The following AHI1 variants were observed in gnomAD, a reference collection of about 807,000 sequenced individuals.
The protein encoded by AHI1 is Abelson helper integration site 1.
Under a neutral mutation model 149.3 loss-of-function variants are expected in AHI1, and 123 were observed. The ratio of observed to expected loss-of-function variants is 0.82; its 90% CI spans 0.71 to 0.96. The LOEUF (loss-of-function observed/expected upper bound fraction) is 0.96, where lower values mean the gene tolerates loss of function less well. Ranked by LOEUF, AHI1 falls within the 40% of genes least tolerant of loss-of-function variation. The pLI, the probability that AHI1 is intolerant of heterozygous loss-of-function variation, is 0.00. For missense variants in AHI1, 1,439 were observed against 1,422.7 expected (o/e 1.01, Z -0.18); for synonymous variants, 475 against 459.8 (o/e 1.03, Z -0.42).
rs1398690644 is a variant in AHI1 at position 135,363,660 on chromosome 6, G to A, written c.3110-5473C>T. Among the ~76,000 whole-genome samples, 29 of 149,390 alleles carry A rather than the reference G, an allele frequency of 1.9e-4. No homozygotes were observed. The East Asian group carries it at 3.6e-3, about 19-fold the overall frequency. ...GCGCCCCTCACCTCCCGGACGGGGC[G>A]GCTGGCCGGGCGGGGGGCTGACCCC... On this transcript the variant is annotated intron_variant, in intron 23 of 28. Coordinates refer to ENST00000265602, the MANE Select transcript of AHI1 (RefSeq NM_001134831.2).
intron 24 of AHI1, among the ~76,000 whole-genome samples, chr6:135,345,327 A>G (rs1231223493): frequency 6.6e-6 from 1 of 152,166 alleles, no homozygotes; most frequent in Non-Finnish European, 1.5e-5. Context: ...AAATATATAC[A>G]CCCAAGAGAA....
chr6:135,399,800 C>T (rs1350948931), intron 22 of AHI1, among the ~76,000 whole-genome samples: 1 of 151,368 alleles, frequency 6.6e-6, no homozygotes, highest in Admixed American at 6.6e-5. Flanking sequence ...AGCTGGGACT[C>T]ATACTAGATT....
intron 24 of AHI1, among the ~76,000 whole-genome samples, chr6:135,324,537 T>A (rs912782959): frequency 8.8e-6 from 1 of 113,818 alleles, no homozygotes; most frequent in African/African-American, 4.0e-5. Context: ...AAATTACATA[T>A]ATAGTTATAT....
In AHI1 at chr6:135,361,645, TCACACACACACACA is replaced by T. The variant is rs57786531; in HGVS notation, c.3110-3472_3110-3459del. On this transcript the variant is annotated intron_variant, in intron 23 of 28. Transcript: ENST00000265602. ...AATCAGGAGGTACCTAGGTATGGTT[TCACACACACACACA>T]CACACACACACACACACACACACAC... is the stretch of plus-strand genomic sequence containing the variant. Among the ~76,000 whole-genome samples the T allele has an allele frequency of 3.4e-3, 452 of 133,898 alleles. 2 individuals carry two copies. The highest frequency in any genetic ancestry group is 9.7e-3 in the African/African-American group (351 of 36,264). The allele number at this position is 133,898 out of a possible 152,430, so 87.8% of individuals were successfully genotyped here. A position where few individuals can be genotyped will look rare whatever the true frequency, so the allele number is the denominator to read the frequency against.
chr6:135,491,173 A>G (rs921909744), intron 4 of AHI1, among the ~76,000 whole-genome samples: 1 of 152,184 alleles, frequency 6.6e-6, no homozygotes, highest in Non-Finnish European at 1.5e-5. Context: ...TCAGTATTCC[A>G]CAAATATTAA....
rs183239433 is a variant in AHI1 at position 135,350,811 on chromosome 6, A to G, written c.3165+7321T>C. ...TGTGTTCAAGAAACTCAGAACAGAG[A>G]GTACCATAGGATGATGCTGAAGAGA... is the stretch of plus-strand genomic sequence containing the variant. On this transcript the variant is annotated intron_variant, in intron 24 of 28. Coordinates refer to ENST00000265602, the MANE Select transcript of AHI1 (RefSeq NM_001134831.2). 3.3e-5 allele frequency among the ~76,000 whole-genome samples: 5 copies of G among 152,280 alleles called. No homozygotes were observed. In the East Asian group the frequency reaches 9.7e-4, roughly 29 times the overall value.
chr6:135,352,548 A>G (rs1003911885), intron 24 of AHI1, among the ~76,000 whole-genome samples: 3 of 152,024 alleles, frequency 2.0e-5, no homozygotes, highest in Non-Finnish European at 4.4e-5. Flanking sequence ...GCCTTACACC[A>G]TATTCCTATA....
chr6:135,359,002 T>C (rs937588668), intron 23 of AHI1, among the ~76,000 whole-genome samples: 3 of 152,226 alleles, frequency 2.0e-5, no homozygotes, highest in Admixed American at 6.5e-5. Context: ...GGCTGTCATA[T>C]GCAGGACAAG....
intron 20 of AHI1, among the ~76,000 whole-genome samples, chr6:135,422,354 A>G (rs866237838): frequency 6.6e-6 from 1 of 152,072 alleles, no homozygotes; most frequent in South Asian, 2.1e-4. Flanking sequence ...TCTACAAAAA[A>G]TACACACACG....
At chr6:135,421,209 C>T (rs1447921800) in intron 20 of AHI1, among the ~76,000 whole-genome samples, 2 of 152,034 alleles carry the variant, frequency 1.3e-5, no homozygotes, top group South Asian at 2.1e-4. Flanking sequence ...CCATAACAGA[C>T]ATAATAATGA....
intron 13 of AHI1, among the ~76,000 whole-genome samples, chr6:135,443,520 G>C (rs1786664566): frequency 2.0e-5 from 3 of 152,106 alleles, no homozygotes; most frequent in Admixed American, 2.0e-4. Flanking sequence ...CCTATGAGTA[G>C]CTATTACTAG....
chr6:135,316,223 G>T (rs114936543), intron 26 of AHI1, among the ~76,000 whole-genome samples: 13 of 152,028 alleles, frequency 8.6e-5, no homozygotes, highest in African/African-American at 2.9e-4. Flanking sequence ...TTCTTTATCT[G>T]TCTTCAACCT....
chr6:135,490,581 G>A (rs1165749394), intron 5 of AHI1, 42 bp downstream of exon 5: 1 of 1,610,390 alleles, frequency 6.2e-7, no homozygotes, highest in Non-Finnish European at 8.5e-7. Flanking sequence ...TGCATTTTAT[G>A]CGCATATGTA....
chr6:135,495,683 T>C (rs1397763663), intron 3 of AHI1, 131 bp downstream of exon 3: 1 of 152,168 alleles, frequency 6.6e-6, no homozygotes, highest in Non-Finnish European at 1.5e-5. Context: ...ACCAAGCCAA[T>C]GCTCTCTTAT....
At chr6:135,355,938 T>C (rs1343474874) in intron 24 of AHI1, among the ~76,000 whole-genome samples, 1 of 152,098 alleles carries the variant, frequency 6.6e-6, no homozygotes, top group Admixed American at 6.5e-5. Flanking sequence ...TATCTTTCCC[T>C]TGAAAAGAGG....
At chr6:135,292,733 A>G (rs747922637) in intron 27 of AHI1, among the ~76,000 whole-genome samples, 1 of 152,254 alleles carries the variant, frequency 6.6e-6, no homozygotes, top group Admixed American at 6.5e-5. Context: ...ATGTGTTCAA[A>G]GAACTAAAGG....
At chr6:135,328,127 C>A (rs1212818808) in intron 24 of AHI1, among the ~76,000 whole-genome samples, 1 of 152,124 alleles carries the variant, frequency 6.6e-6, no homozygotes, top group Non-Finnish European at 1.5e-5. Context: ...AGCCCTCAAC[C>A]TGTGGGATCC....
chr6:135,425,284 A>T lies in AHI1; in HGVS notation c.2764+1883T>A, dbSNP rs530763020. Reference sequence around the variant, plus strand: ...GAAATCCTTCCTCTTGCACATTAAGATAGTGTGGAAATAACATTATGTTTT... The same window carrying T: ...GAAATCCTTCCTCTTGCACATTAAGTTAGTGTGGAAATAACATTATGTTTT... On this transcript the variant is annotated intron_variant, in intron 20 of 28. Transcript: ENST00000265602. 2.6e-5 allele frequency among the ~76,000 whole-genome samples: 4 copies of T among 152,082 alleles called. No homozygotes were observed. In the East Asian group the frequency reaches 7.7e-4, roughly 29 times the overall value.
At chr6:135,302,343 A>C in intron 26 of AHI1, 1 of 986,512 alleles carries the variant, frequency 1.0e-6, no homozygotes, top group Non-Finnish European at 1.2e-6. Flanking sequence ...AGTCATACTG[A>C]ACTATATACC....
Sources: allele counts gnomAD v4.1 joint callset (sites outside exome capture counted in the v4.1 genomes callset), GRCh38; gene constraint gnomAD v4.1.1; transcripts MANE v1.5; gene names NCBI Gene and HGNC (gene_info 2026-07-23, HGNC 2026-07-21).